The following SV2C variants were observed in gnomAD, a reference collection of about 807,000 sequenced individuals.
The protein encoded by SV2C is solute carrier family 22 member B3.
Under a neutral mutation model 79.7 loss-of-function variants are expected in SV2C, and 49 were observed. That is an observed-to-expected ratio of 0.61 (90% CI 0.49 to 0.78). SV2C has a LOEUF of 0.78. Among genes scored for constraint, SV2C ranks in the 30% least tolerant of loss-of-function variants. The pLI is 0.00. For synonymous variants in SV2C, 334 were observed against 333.2 expected (o/e 1.00, Z -0.03); for missense variants, 833 against 912.9 (o/e 0.91, Z 1.13).
At chr5:75,911,221 C>T in the SV2C span, 3 of 1,577,912 alleles carry the variant, frequency 1.9e-6, no homozygotes, top group Non-Finnish European at 2.6e-6. Context: ...CCAGCCCTCT[C>T]CTACCATTGG....
intron 12 of SV2C, among the ~76,000 whole-genome samples, chr5:76,309,812 G>A (rs1748358842): frequency 6.6e-6 from 1 of 151,956 alleles, no homozygotes; most frequent in Non-Finnish European, 1.5e-5. Context: ...GAGATGGCAG[G>A]TTTTGTTTAT....
the SV2C span, among the ~76,000 whole-genome samples, chr5:75,932,180 A>G: frequency 3.9e-5 from 6 of 152,314 alleles, no homozygotes; most frequent in East Asian, 1.2e-3. Context: ...CCTCAGACAC[A>G]GGGAGCCACT....
At chr5:76,052,955 A>G in the SV2C span, among the ~76,000 whole-genome samples, 1 of 151,648 alleles carries the variant, frequency 6.6e-6, no homozygotes, top group East Asian at 1.9e-4. Flanking sequence ...AAGATTTTTA[A>G]AAAACATTAT....
At chr5:75,995,254 TC>T in the SV2C span, among the ~76,000 whole-genome samples, 1 of 152,070 alleles carries the variant, frequency 6.6e-6, no homozygotes, top group East Asian at 1.9e-4. Context: ...CTTAGCCCAG[TC>T]AAGTTAATAC....
chr5:76,247,499 G>A (rs543153936), intron 4 of SV2C, among the ~76,000 whole-genome samples: 1 of 152,314 alleles, frequency 6.6e-6, no homozygotes, highest in South Asian at 2.1e-4. Context: ...ACTGAGTACA[G>A]CTTATTTTCT....
At chr5:75,970,805 T>C in the SV2C span, among the ~76,000 whole-genome samples, 4 of 151,976 alleles carry the variant, frequency 2.6e-5, no homozygotes, top group African/African-American at 9.7e-5. Flanking sequence ...AAAGAGGGAA[T>C]CCTCCCTAAC....
intron 4 of SV2C, among the ~76,000 whole-genome samples, chr5:76,218,646 C>T (rs1246287781): frequency 6.6e-6 from 1 of 152,160 alleles, no homozygotes; most frequent in Non-Finnish European, 1.5e-5. Context: ...GGACCTAATG[C>T]ATGTGGGGCT....
At chr5:76,007,992 C>T in the SV2C span, among the ~76,000 whole-genome samples, 6 of 152,082 alleles carry the variant, frequency 3.9e-5, no homozygotes, top group South Asian at 4.1e-4. Flanking sequence ...AACCTAATGC[C>T]GGTGGCAACA....
intron 1 of SV2C, among the ~76,000 whole-genome samples, chr5:76,101,664 A>G (rs1747746387): frequency 6.6e-6 from 1 of 152,210 alleles, no homozygotes; most frequent in Non-Finnish European, 1.5e-5. Flanking sequence ...GCTAATAATT[A>G]TTATAAAATT....
chr5:76,085,407 C>G (rs116342178), intron 1 of SV2C, among the ~76,000 whole-genome samples: 1 of 152,162 alleles, frequency 6.6e-6, no homozygotes, highest in African/African-American at 2.4e-5. Context: ...TAAATCAAAT[C>G]CACGATCCAT....
chr5:76,207,986 G>A (rs1008601361), intron 3 of SV2C, among the ~76,000 whole-genome samples: 4 of 152,182 alleles, frequency 2.6e-5, no homozygotes, highest in South Asian at 4.1e-4. Flanking sequence ...TTTGTTTCTT[G>A]TTTGAGGGTT....
chr5:76,287,531 G>A (rs1337353434), intron 6 of SV2C, among the ~76,000 whole-genome samples: 2 of 152,224 alleles, frequency 1.3e-5, no homozygotes, highest in East Asian at 1.9e-4. Context: ...CTAAGGTCCT[G>A]CCAGTCTCCT....
At chr5:76,137,492 A>G (rs1014357955) in intron 2 of SV2C, among the ~76,000 whole-genome samples, 3 of 152,126 alleles carry the variant, frequency 2.0e-5, no homozygotes, top group Non-Finnish European at 4.4e-5. Flanking sequence ...TCTGGTAGGT[A>G]GAAGAGGTCA....
chr5:76,244,230 G>A (rs1024477478), intron 4 of SV2C, among the ~76,000 whole-genome samples: 2 of 152,222 alleles, frequency 1.3e-5, no homozygotes, highest in Non-Finnish European at 2.9e-5. Context: ...AGAATGAGAT[G>A]TCAAATGAAG....
chr5:76,046,879 C>A, the SV2C span, among the ~76,000 whole-genome samples: 1 of 152,258 alleles, frequency 6.6e-6, no homozygotes, highest in African/African-American at 2.4e-5. Flanking sequence ...GAGCTCTGTC[C>A]GTGGCTTCAC....
the SV2C span, among the ~76,000 whole-genome samples, chr5:75,899,154 C>T: frequency 7.2e-5 from 11 of 151,964 alleles, no homozygotes; most frequent in African/African-American, 1.9e-4. Flanking sequence ...CTTTTAATTG[C>T]AATGTTAGGG....
intron 2 of SV2C, among the ~76,000 whole-genome samples, chr5:76,146,237 G>A (rs940653294): frequency 6.6e-6 from 1 of 152,158 alleles, no homozygotes; most frequent in Non-Finnish European, 1.5e-5. Flanking sequence ...CCTAGAGAAC[G>A]TTCTTGGATG....
At chr5:76,001,973 C>T in the SV2C span, among the ~76,000 whole-genome samples, 1 of 151,898 alleles carries the variant, frequency 6.6e-6, no homozygotes, top group East Asian at 1.9e-4. Context: ...CCCTGAGTTC[C>T]CAAAGTCCAC....
chr5:75,898,905 G>A, the SV2C span, among the ~76,000 whole-genome samples: 4 of 152,106 alleles, frequency 2.6e-5, no homozygotes, highest in Non-Finnish European at 5.9e-5. Context: ...CTGTGGGATT[G>A]GTGGAGATAT....
Sources: allele counts gnomAD v4.1 joint callset (sites outside exome capture counted in the v4.1 genomes callset), GRCh38; gene constraint gnomAD v4.1.1; transcripts MANE v1.5; gene names NCBI Gene and HGNC (gene_info 2026-07-23, HGNC 2026-07-21).